SLC16A7: variants seen among roughly 807,000 people sequenced by gnomAD.
SLC16A7 encodes monocarboxylate transporter 2.
Under a neutral mutation model 34.9 loss-of-function variants are expected in SLC16A7, and 33 were observed. That is an observed-to-expected ratio of 0.94 (90% CI 0.72 to 1.26). The LOEUF (loss-of-function observed/expected upper bound fraction) is 1.26. Ranked by LOEUF, SLC16A7 falls within the 50% of genes most tolerant of loss-of-function variation. The probability of loss-of-function intolerance (pLI) is 0.00; values close to 1 mark genes in which losing one functional copy is unlikely to be tolerated. For missense variants in SLC16A7, 573 were observed against 578.1 expected (o/e 0.99, Z 0.09); for synonymous variants, 201 against 206.6 (o/e 0.97, Z 0.23).
At position 59,781,681 on chromosome 12, in the gene SLC16A7, A is replaced by G. The variant is rs902554577; in HGVS notation, c.*2002A>G. 3.9e-5 allele frequency: 6 copies of G among 152,632 alleles called. No homozygotes were observed. Among genetic ancestry groups the G allele is most frequent in the South Asian group, 2.1e-4 (1 of 4,820 alleles). The allele number at this position is 152,632 out of a possible 1,614,324, so 9.5% of individuals were successfully genotyped here. ...CCCGATCTTGATTCTTGAATTAGCT[A>G]TGTTTATATTTTTAGTTCTTTTTTA... is the stretch of plus-strand genomic sequence containing the variant. On this transcript the variant is annotated 3_prime_UTR_variant, in exon 6 of 6. Transcript: ENST00000547379.
chr12:59,759,592 A>G (rs1227019605), intron 3 of SLC16A7, among the ~76,000 whole-genome samples: 3 of 152,078 alleles, frequency 2.0e-5, no homozygotes, highest in Non-Finnish European at 2.9e-5. Flanking sequence ...AAGAAAAGTA[A>G]CAGTCTTATT....
At chr12:59,758,352 G>A (rs1880632137) in intron 3 of SLC16A7, among the ~76,000 whole-genome samples, 1 of 151,986 alleles carries the variant, frequency 6.6e-6, no homozygotes, top group Non-Finnish European at 1.5e-5. Flanking sequence ...AGCAGATACT[G>A]TATTTTCTCA....
intron 1 of SLC16A7, among the ~76,000 whole-genome samples, chr12:59,613,632 G>A (rs960764123): frequency 6.6e-6 from 1 of 152,116 alleles, no homozygotes; most frequent in Non-Finnish European, 1.5e-5. Flanking sequence ...CACAATCAAG[G>A]AAGTGTGGGA....
At chr12:59,741,841 T>G (rs1238851689) in intron 3 of SLC16A7, among the ~76,000 whole-genome samples, 1 of 152,196 alleles carries the variant, frequency 6.6e-6, no homozygotes, top group Non-Finnish European at 1.5e-5. Flanking sequence ...TCTGAGTTAC[T>G]GGTGGTGAAT....
At chr12:59,771,086 T>C in intron 3 of SLC16A7, 133 bp from the exon 4 acceptor site, 1 of 764,654 alleles carries the variant, frequency 1.3e-6, no homozygotes, top group Non-Finnish European at 2.1e-6. Flanking sequence ...TCTCATTATG[T>C]TTCATGTGAA....
intron 2 of SLC16A7, among the ~76,000 whole-genome samples, chr12:59,702,637 A>AT (rs1873024861): frequency 6.6e-6 from 1 of 152,096 alleles, no homozygotes; most frequent in South Asian, 2.1e-4. Context: ...TTTCCATGAC[A>AT]TTTTTTGGTA....
chr12:59,636,027 G>A (rs1880408907), intron 1 of SLC16A7, among the ~76,000 whole-genome samples: 1 of 150,262 alleles, frequency 6.7e-6, no homozygotes, highest in South Asian at 2.1e-4. Flanking sequence ...AAACTGTGTA[G>A]GGTATGCTGA....
In SLC16A7 at chr12:59,779,287, AT is replaced by A. The variant is rs1043312585; in HGVS notation, c.1181-129del. ...AGCATATGTAGAAGTCATAATCTAG[AT>A]TTTTTTATTTTTAAAGTCTTATTTG... On this transcript the variant is annotated intron_variant, in intron 5 of 5. Coordinates refer to ENST00000547379, the MANE Select transcript of SLC16A7 (RefSeq NM_001270623.2). The A allele has an allele frequency of 1.2e-5, 8 of 653,052 alleles. No individual in the cohort carries two copies. The East Asian group carries it at 2.0e-4, about 17-fold the overall frequency. 40.5% of individuals were successfully genotyped at this position (653,052 alleles called of 1,614,324 possible).
chr12:59,687,964 A>G (rs1253108003), intron 2 of SLC16A7, among the ~76,000 whole-genome samples: 1 of 152,146 alleles, frequency 6.6e-6, no homozygotes, highest in Admixed American at 6.6e-5. Flanking sequence ...ATAAGTATTA[A>G]CAAAAATAAA....
intron 1 of SLC16A7, among the ~76,000 whole-genome samples, chr12:59,609,133 G>C (rs898400861): frequency 1.3e-5 from 2 of 152,168 alleles, no homozygotes; most frequent in South Asian, 2.1e-4. Flanking sequence ...GTGAGTTCCC[G>C]GTATCCCTAT....
intron 2 of SLC16A7, among the ~76,000 whole-genome samples, chr12:59,689,944 A>C (rs886255239): frequency 1.9e-4 from 29 of 152,140 alleles, no homozygotes; most frequent in African/African-American, 6.7e-4. Context: ...GATGCTGATA[A>C]GTGGAATTCC....
intron 1 of SLC16A7, among the ~76,000 whole-genome samples, chr12:59,626,547 G>A (rs555932194): frequency 6.6e-6 from 1 of 151,864 alleles, no homozygotes; most frequent in South Asian, 2.1e-4. Flanking sequence ...CTCACTTGAA[G>A]TCACATAGTA....
At chr12:59,599,720 C>A (rs190036862) in intron 1 of SLC16A7, among the ~76,000 whole-genome samples, 2 of 152,164 alleles carry the variant, frequency 1.3e-5, no homozygotes, top group Admixed American at 6.5e-5. Flanking sequence ...GCCCTTTGTT[C>A]CCCTCCTCCC....
At chr12:59,656,641 T>C (rs1868548447) in intron 2 of SLC16A7, among the ~76,000 whole-genome samples, 1 of 152,032 alleles carries the variant, frequency 6.6e-6, no homozygotes, top group Non-Finnish European at 1.5e-5. Flanking sequence ...TGGTTGTTTG[T>C]TACAGCAGCA....
rs367944243 is a variant in SLC16A7 at position 59,753,864 on chromosome 12, C to T, written c.218-17355C>T. On this transcript the variant is annotated intron_variant, in intron 3 of 5. Coordinates refer to ENST00000547379, the MANE Select transcript of SLC16A7 (RefSeq NM_001270623.2). ...TGACCACATACTTGGAAGTAAAGCTCTCCTCAGCAAATGTAAAAGATCAGA... is the reference window on the plus strand; with the variant it reads ...TGACCACATACTTGGAAGTAAAGCTTTCCTCAGCAAATGTAAAAGATCAGA... 1.2e-3 allele frequency among the ~76,000 whole-genome samples: 190 copies of T among 152,266 alleles called. 3 individuals are homozygous for T. The South Asian group carries it at 0.02, about 16-fold the overall frequency.
intron 1 of SLC16A7, among the ~76,000 whole-genome samples, chr12:59,597,547 T>C (rs1318350191): frequency 2.0e-4 from 31 of 152,156 alleles, no homozygotes; most frequent in Admixed American, 2.0e-3. Flanking sequence ...CTTGAATGTG[T>C]TGTGTTACTG....
rs1869634296 is a variant in SLC16A7 at position 59,671,003 on chromosome 12, A to T, written c.-31+15753A>T. ...TGTTTCTTTCTATGCATTTCTGCTG[A>T]TAAAATAATTTCAAAAACACTTGTC... On this transcript the variant is annotated intron_variant, in intron 2 of 5. Transcript: ENST00000547379. Among the ~76,000 whole-genome samples, 5 of 151,618 alleles carry T rather than the reference A, an allele frequency of 3.3e-5. No individual in the cohort carries two copies. The South Asian group carries it at 1.0e-3, about 32-fold the overall frequency.
In SLC16A7 at chr12:59,775,487, T is replaced by G. The variant is rs192250043; in HGVS notation, c.1180+12T>G. 84 of 1,592,666 alleles carry G rather than the reference T, an allele frequency of 5.3e-5. 3 individuals are homozygous for G. The African/African-American group carries it at 9.8e-4, about 19-fold the overall frequency. On this transcript the variant is annotated intron_variant, in intron 5 of 5. Coordinates refer to ENST00000547379, the MANE Select transcript of SLC16A7 (RefSeq NM_001270623.2). ...CCCTCCTCTTGCAGGTAAGAACGTT[T>G]TTCATCAAGGAAAATGTAAAGCATA...
At chr12:59,632,891 A>G (rs1880245126) in intron 1 of SLC16A7, among the ~76,000 whole-genome samples, 1 of 151,952 alleles carries the variant, frequency 6.6e-6, no homozygotes, top group Non-Finnish European at 1.5e-5. Flanking sequence ...GGGATTGAAG[A>G]GAGCTATGGA....
Sources: gnomAD v4.1 joint callset for allele counts (sites outside exome capture counted in the v4.1 genomes callset) on GRCh38, gnomAD v4.1.1 for gene constraint, MANE v1.5 for transcripts, NCBI Gene and HGNC (gene_info 2026-07-23, HGNC 2026-07-21) for gene names.